GPR137B: variants seen among roughly 807,000 people sequenced by gnomAD.
GPR137B encodes G protein-coupled receptor 137B, also known as integral membrane protein GPR137B.
GPR137B carries 42 observed loss-of-function variants against 42.5 expected under a neutral mutation model. That is an observed-to-expected ratio of 0.99 (90% confidence interval 0.77 to 1.28). The LOEUF is 1.28. GPR137B is among the 50% of genes most tolerant of loss of function. GPR137B has a pLI of 0.00. For synonymous variants in GPR137B, 218 were observed against 209.7 expected (o/e 1.04, Z -0.34); for missense variants, 487 against 493.9 (o/e 0.99, Z 0.13).
chr1:236,144,544 AG>A lies in GPR137B; in HGVS notation c.414+1509del, dbSNP rs1661629782. Among the ~76,000 whole-genome samples the A allele has an allele frequency of 4.6e-5, 7 of 152,394 alleles. No homozygotes were observed. In the East Asian group the frequency reaches 7.7e-4, roughly 17 times the overall value. On this transcript the variant is annotated intron_variant, in intron 1 of 6. Transcript: ENST00000366592. ...ATAGCATATGTGATATTTTGTAGAT[AG>A]TATAATCTTTTAAAAATGGGTCTAC...
chr1:236,163,022 G>A (rs1303956863), intron 1 of GPR137B, among the ~76,000 whole-genome samples: 1 of 152,220 alleles, frequency 6.6e-6, no homozygotes, highest in Non-Finnish European at 1.5e-5. Context: ...CTCAACACCA[G>A]CCCGTGAAAG....
At chr1:236,192,597 T>C (rs776895208) in intron 5 of GPR137B, among the ~76,000 whole-genome samples, 2 of 151,836 alleles carry the variant, frequency 1.3e-5, no homozygotes, top group Non-Finnish European at 2.9e-5. Flanking sequence ...GGGGAGAAAA[T>C]TCCCTGACTC....
At chr1:236,206,929 G>C (rs939887157) in intron 6 of GPR137B, among the ~76,000 whole-genome samples, 1 of 152,202 alleles carries the variant, frequency 6.6e-6, no homozygotes, top group African/African-American at 2.4e-5. Context: ...CTGTTCCTGG[G>C]AAAGGGGAGC....
rs1662043766 is a variant in GPR137B, at chr1:236,156,792, A to G, written c.415-11914A>G. 6.6e-6 allele frequency among the ~76,000 whole-genome samples: 1 copy of G among 152,216 alleles called. No individual in the cohort carries two copies. On this transcript the variant is annotated intron_variant, in intron 1 of 6. Coordinates refer to ENST00000366592, the MANE Select transcript of GPR137B (RefSeq NM_003272.4). This position sits in a 1 kb window ranked among gnomAD's most constrained non-coding sequence, Gnocchi z 4.8. Reference sequence around the variant, plus strand: ...GGGAGACCAGGGCCCTGGGGTTTGCATAATTTCCCCAATATATCAGGAAGT... The same window carrying G: ...GGGAGACCAGGGCCCTGGGGTTTGCGTAATTTCCCCAATATATCAGGAAGT...
At chr1:236,183,691 AT>A (rs1310462652) in intron 4 of GPR137B, 86 bp from the exon 5 acceptor site, 5 of 916,480 alleles carry the variant, frequency 5.5e-6, no homozygotes, top group Non-Finnish European at 6.8e-6. Flanking sequence ...GAGTATTAGA[AT>A]TATTCTCTGT....
chr1:236,143,750 G>C (rs1661604364), intron 1 of GPR137B, among the ~76,000 whole-genome samples: 1 of 152,202 alleles, frequency 6.6e-6, no homozygotes, highest in Non-Finnish European at 1.5e-5. Flanking sequence ...ATCACTTTAT[G>C]GGGCATATTA....
chr1:236,190,355 T>G (rs1390742466), intron 5 of GPR137B, among the ~76,000 whole-genome samples: 2 of 152,202 alleles, frequency 1.3e-5, no homozygotes, highest in African/African-American at 4.8e-5. Context: ...TTGTTATGTG[T>G]GAATTTGATC....
intron 1 of GPR137B, among the ~76,000 whole-genome samples, chr1:236,160,364 ACT>A (rs1417561746): frequency 6.6e-6 from 1 of 151,594 alleles, no homozygotes; most frequent in Non-Finnish European, 1.5e-5. Context: ...AGCAGCTGGG[ACT>A]CTCCAACCCA....
intron 3 of GPR137B, among the ~76,000 whole-genome samples, chr1:236,178,973 A>G (rs1384470016): frequency 6.6e-6 from 1 of 150,530 alleles, no homozygotes; most frequent in East Asian, 2.0e-4. Flanking sequence ...AATTTTTTGT[A>G]TTTTTAGTAG....
chr1:236,204,959 C>T (rs1663612119), intron 5 of GPR137B, among the ~76,000 whole-genome samples, 167 bp from the exon 6 acceptor site: 1 of 152,200 alleles, frequency 6.6e-6, no homozygotes, highest in Non-Finnish European at 1.5e-5. Context: ...CAAGGCGAAT[C>T]CCTCTCAAAC....
rs757052688 is a variant in GPR137B, at chr1:236,208,121, A to G, written c.1163A>G (p.Asp388Gly). ...SFLAQAGTLQ[D>G]STLDPDKPSL... ...CTGGCACAAGCAGGAACTTTGCAAG[A>G]CTCAACTTTGGATCCTGACAAACCA... Residue 388 changes from aspartate to glycine, a missense_variant, in exon 7 of 7, where the codon GAC becomes GGC. By Grantham distance (94) the Asp-to-Gly change is moderately conservative. Transcript: ENST00000366592. 6.2e-7 allele frequency: 1 copy of G among 1,613,578 alleles called. No homozygotes were observed. The highest frequency in any genetic ancestry group is 1.3e-5 in the African/African-American group (1 of 75,022).
rs756706185 is a variant in GPR137B, at chr1:236,171,251, C to T, written c.464+2496C>T. Among the ~76,000 whole-genome samples, 12 of 152,212 alleles carry T rather than the reference C, an allele frequency of 7.9e-5. No individual in the cohort carries two copies. The highest frequency in any genetic ancestry group is 3.3e-4 in the Admixed American group (5 of 15,284). On this transcript the variant is annotated intron_variant, in intron 2 of 6. Coordinates refer to ENST00000366592, the MANE Select transcript of GPR137B (RefSeq NM_003272.4). This position sits in a 1 kb window ranked among gnomAD's most constrained non-coding sequence, Gnocchi z 4.4. ...GAAAGTTTCAGATTTTGGAGCATTT[C>T]GGATTTTGAATTTTTGGGTTAGGGA...
intron 2 of GPR137B, among the ~76,000 whole-genome samples, chr1:236,176,023 T>G (rs1015779962): frequency 3.9e-5 from 6 of 152,004 alleles, no homozygotes; most frequent in African/African-American, 1.4e-4. Flanking sequence ...AAAGAGTGTG[T>G]CATAGAATTG....
intron 1 of GPR137B, among the ~76,000 whole-genome samples, chr1:236,144,019 G>A (rs945157785): frequency 2.6e-5 from 4 of 152,002 alleles, no homozygotes; most frequent in African/African-American, 9.7e-5. Context: ...ACCTGGTGAG[G>A]GTAATTTCAG....
At chr1:236,182,951 G>A (rs143019553) in intron 4 of GPR137B, among the ~76,000 whole-genome samples, 12 of 152,266 alleles carry the variant, frequency 7.9e-5, no homozygotes, top group African/African-American at 2.6e-4. Context: ...ATGTGATATA[G>A]AGGAAGTAAG....
chr1:236,200,956 A>G (rs1054888369), intron 5 of GPR137B, among the ~76,000 whole-genome samples: 1 of 150,710 alleles, frequency 6.6e-6, no homozygotes, highest in Admixed American at 6.6e-5. Flanking sequence ...AGGAGGTTCT[A>G]TTCTGGTGTA....
Position 236,208,326 on chromosome 1 carries a change from C to T in GPR137B, c.*168C>T. On this transcript the variant is annotated 3_prime_UTR_variant, in exon 7 of 7. Coordinates refer to ENST00000366592, the MANE Select transcript of GPR137B (RefSeq NM_003272.4). ...TAAGCAATAATGTAGACTGATAAACCCTTATTTTAGTACTAAAGAGGGAGC... is the reference window on the plus strand; with the variant it reads ...TAAGCAATAATGTAGACTGATAAACTCTTATTTTAGTACTAAAGAGGGAGC... The T allele has an allele frequency of 1.5e-6, 2 of 1,359,208 alleles. No homozygotes were observed. Among genetic ancestry groups the T allele is most frequent in the East Asian group, 2.6e-5 (1 of 38,822 alleles). 84.2% of individuals were successfully genotyped at this position (1,359,208 alleles called of 1,614,324 possible).
At chr1:236,203,967 A>C (rs1168738122) in intron 5 of GPR137B, among the ~76,000 whole-genome samples, 1 of 152,184 alleles carries the variant, frequency 6.6e-6, no homozygotes, top group Non-Finnish European at 1.5e-5. Context: ...ACTATGTTTA[A>C]TAACAGTGGT....
intron 5 of GPR137B, among the ~76,000 whole-genome samples, chr1:236,192,263 C>T (rs576142673): frequency 7.2e-5 from 11 of 152,178 alleles, no homozygotes; most frequent in East Asian, 1.9e-4. Context: ...TGCTGGGCTC[C>T]GTTGGGGTGG....
Sources: gnomAD v4.1 joint callset for allele counts (sites outside exome capture counted in the v4.1 genomes callset) on GRCh38, gnomAD v4.1.1 for gene constraint, Gnocchi (gnomAD v3.1) non-coding constraint, MANE v1.5 for transcripts, NCBI Gene and HGNC (gene_info 2026-07-23, HGNC 2026-07-21) for gene names.